SAAL1: variants seen among roughly 807,000 people sequenced by gnomAD.
The protein encoded by SAAL1 is serum amyloid A like 1, also known as protein SAAL1.
In SAAL1, 42 loss-of-function variants were observed where a neutral mutation model predicts 59.8. The observed-to-expected ratio is 0.70, with a 90% CI of 0.55 to 0.91. SAAL1 has a LOEUF of 0.91. SAAL1 is among the 40% of genes least tolerant of loss of function. The probability of loss-of-function intolerance (pLI) is 0.00; values close to 1 mark genes in which losing one functional copy is unlikely to be tolerated. For missense variants in SAAL1, 542 were observed against 561.1 expected (o/e 0.97, Z 0.34); for synonymous variants, 191 against 194.3 (o/e 0.98, Z 0.14).
chr11:18,099,528 A>C (rs1848612246), intron 2 of SAAL1, among the ~76,000 whole-genome samples: 1 of 152,240 alleles, frequency 6.6e-6, no homozygotes, highest in African/African-American at 2.4e-5. Context: ...GCTAGAAACC[A>C]AGATAAAGCG....
In SAAL1 at chr11:18,103,323, T is replaced by C. The variant is rs1268964207; in HGVS notation, c.159A>G (p.Lys53=). 2.9e-5 allele frequency: 46 copies of C among 1,613,730 alleles called. No homozygotes were observed. The highest frequency in any genetic ancestry group is 3.8e-5 in the Non-Finnish European group (45 of 1,179,916). The change falls in exon 2 of 12, where the codon AAA becomes AAG. Residue 53 remains lysine, a synonymous_variant. Coordinates refer to ENST00000524803, the MANE Select transcript of SAAL1 (RefSeq NM_138421.3). ...GCTGCTCCTCATCATCTGAGCTAGA[T>C]TTGGTGTTTTCAGGGCTAACAATCT... The part of the protein sequence containing the change: ...LIQIVSPENT[K]SSSDDEEQLT...
chr11:18,099,404 G>A (rs1006828852), intron 2 of SAAL1, among the ~76,000 whole-genome samples: 1 of 152,148 alleles, frequency 6.6e-6, no homozygotes, highest in Non-Finnish European at 1.5e-5. Context: ...CAGTGAACAA[G>A]CTAAATAAGG....
chr11:18,100,075 T>C (rs1439318129), intron 2 of SAAL1, among the ~76,000 whole-genome samples: 1 of 152,202 alleles, frequency 6.6e-6, no homozygotes, highest in Admixed American at 6.5e-5. Context: ...AAACTGAGAC[T>C]TTCACCCTAA....
At chr11:18,098,050 G>A (rs1252131348) in intron 2 of SAAL1, among the ~76,000 whole-genome samples, 4 of 152,120 alleles carry the variant, frequency 2.6e-5, no homozygotes. Context: ...AGGAGGCTGA[G>A]GTGGAAGGAT....
intron 9 of SAAL1, 35 bp downstream of exon 9, chr11:18,086,831 T>A (rs909687797): frequency 7.5e-7 from 1 of 1,340,170 alleles, no homozygotes; most frequent in Non-Finnish European, 9.8e-7. Flanking sequence ...ATAAATGAAA[T>A]GAAAAACAGT....
intron 1 of SAAL1, among the ~76,000 whole-genome samples, chr11:18,104,390 A>T (rs79074517): frequency 0.019 from 2,866 of 151,986 alleles, 42 homozygotes; most frequent in Non-Finnish European, 0.031. Context: ...GTTGCTAGGC[A>T]CTGGGGTAGA....
chr11:18,086,726 AAAAT>A (rs1001135234), intron 9 of SAAL1, 136 bp downstream of exon 9: 6 of 462,404 alleles, frequency 1.3e-5, no homozygotes, highest in Admixed American at 4.4e-5. Flanking sequence ...AATAAAAAAT[AAAAT>A]AAATAAATAT....
At chr11:18,092,221 A>G (rs764503833) in intron 4 of SAAL1, 24 bp downstream of exon 4, 17 of 1,233,242 alleles carry the variant, frequency 1.4e-5, no homozygotes, top group Non-Finnish European at 1.9e-5. Flanking sequence ...ATATTAAAAA[A>G]CATAATTATA....
chr11:18,096,599 T>A (rs1980097), intron 3 of SAAL1, among the ~76,000 whole-genome samples, 172 bp downstream of exon 3: 62,909 of 151,670 alleles, frequency 0.41, 13,670 homozygotes, highest in African/African-American at 0.52. Context: ...TAAAATAAAA[T>A]AAATTTAAAT....
At position 18,096,850 on chromosome 11, in the gene SAAL1, A is replaced by C. The variant is rs202173040; in HGVS notation, c.254T>G (p.Val85Gly). The C allele has an allele frequency of 6.5e-7, 1 of 1,550,012 alleles. No homozygotes were observed. Among genetic ancestry groups the C allele is most frequent in the East Asian group, 2.2e-5 (1 of 44,466 alleles). The change falls in exon 3 of 12, where the codon GTG (valine) becomes GGG (glycine). Residue 85 changes from valine (V) to glycine (G), a missense_variant. Physicochemically the swap from Val to Gly is moderately radical, Grantham distance 109. Transcript: ENST00000524803. ...RVWDMSMDEDVALFLQEFNAP... is the reference protein window; with the variant it reads ...RVWDMSMDEDGALFLQEFNAP... ...ATTAAATTCTTGGAGAAATAAAGCC[A>C]CGTCCTGAAAAGAAAAATGATTATT... is the stretch of plus-strand genomic sequence containing the variant.
intron 9 of SAAL1, among the ~76,000 whole-genome samples, chr11:18,084,101 C>A (rs77330829): frequency 1.7e-3 from 254 of 152,250 alleles, no homozygotes; most frequent in African/African-American, 5.9e-3. Flanking sequence ...GTTTGAGAGG[C>A]CAAGATGGGC....
At chr11:18,089,014 G>A (rs1001837710) in intron 7 of SAAL1, among the ~76,000 whole-genome samples, 4 of 152,150 alleles carry the variant, frequency 2.6e-5, no homozygotes, top group East Asian at 1.9e-4. Flanking sequence ...GATGTGCAAC[G>A]TTAATGAAGT....
rs368020225 is a variant in SAAL1 at position 18,089,404 on chromosome 11, T to C, written c.696A>G (p.Gln232=). The C allele has an allele frequency of 4.4e-6, 7 of 1,609,170 alleles. No homozygotes were observed. In the African/African-American group the frequency reaches 5.4e-5, roughly 12 times the overall value. The change falls in exon 7 of 12, where the codon CAA becomes CAG. Residue 232 remains glutamine, a synonymous_variant. Coordinates refer to ENST00000524803, the MANE Select transcript of SAAL1 (RefSeq NM_138421.3). ...GCTGCTCTTCAGACTCTTCCTGGGG[T>C]TGGTCCAGAGGCTGAGCAGCCCCAT... ...VRNGAAQPLD[Q]PQEESEEQPV... is the part of the protein sequence containing the mutation.
At chr11:18,093,126 A>G (rs1212608070) in intron 3 of SAAL1, among the ~76,000 whole-genome samples, 1 of 152,192 alleles carries the variant, frequency 6.6e-6, no homozygotes, top group African/African-American at 2.4e-5. Context: ...GTTACTTAGT[A>G]GCCATCTTGG....
At chr11:18,096,262 AATT>A (rs1341800293) in intron 3 of SAAL1, among the ~76,000 whole-genome samples, 1 of 152,062 alleles carries the variant, frequency 6.6e-6, no homozygotes, top group East Asian at 1.9e-4. Flanking sequence ...CATAATTTTA[AATT>A]ATTAAATTAT....
chr11:18,084,062 G>T (rs943845573), intron 9 of SAAL1, among the ~76,000 whole-genome samples: 1 of 152,164 alleles, frequency 6.6e-6, no homozygotes. Flanking sequence ...GGAGGTCAGG[G>T]GTGGTAGCTC....
At chr11:18,096,657 G>C in intron 3 of SAAL1, 114 bp downstream of exon 3, 1 of 680,648 alleles carries the variant, frequency 1.5e-6, no homozygotes, top group South Asian at 1.6e-5. Flanking sequence ...TCTACAGGCT[G>C]ATTTGTTGAT....
intron 3 of SAAL1, among the ~76,000 whole-genome samples, chr11:18,096,456 A>G (rs1848577274): frequency 6.6e-6 from 1 of 151,742 alleles, no homozygotes; most frequent in African/African-American, 2.4e-5. Context: ...GGTGGCTTAC[A>G]CCTATACTCC....
chr11:18,099,740 A>G (rs1227060395), intron 2 of SAAL1, among the ~76,000 whole-genome samples: 1 of 152,194 alleles, frequency 6.6e-6, no homozygotes, highest in African/African-American at 2.4e-5. Context: ...GCCGGGCCAT[A>G]AACAATGAGA....
Sources: allele counts gnomAD v4.1 joint callset (sites outside exome capture counted in the v4.1 genomes callset), GRCh38; gene constraint gnomAD v4.1.1; transcripts MANE v1.5; gene names NCBI Gene and HGNC (gene_info 2026-07-23, HGNC 2026-07-21).